The following CENPF variants were observed in gnomAD, a reference collection of about 807,000 sequenced individuals.
CENPF encodes the protein centromere protein F.
In CENPF, 214 loss-of-function variants were observed where a neutral mutation model predicts 307.3. The observed-to-expected ratio is 0.70, with a 90% CI of 0.62 to 0.78. The LOEUF (loss-of-function observed/expected upper bound fraction) is 0.78, where lower values mean the gene tolerates loss of function less well. CENPF is among the 30% of genes least tolerant of loss of function. The pLI is 0.00. For missense variants in CENPF, 3,401 were observed against 3,483.9 expected (o/e 0.98, Z 0.60); for synonymous variants, 1,259 against 1,270.6 (o/e 0.99, Z 0.19).
In CENPF at chr1:214,647,388, C is replaced by G. The variant is rs1658343264; in HGVS notation, c.7818C>G (p.Ser2606=). 1.2e-6 allele frequency: 2 copies of G among 1,604,546 alleles called. No individual in the cohort carries two copies. Among genetic ancestry groups the G allele is most frequent in the Non-Finnish European group, 1.7e-6 (2 of 1,174,996 alleles). The change falls in exon 13 of 20, where the codon TCC becomes TCG. Residue 2606 remains serine, a synonymous_variant. Transcript: ENST00000366955. ...ELELTKMDKM[S]FVEKVNKMTA... ...AATTGACAAAAATGGACAAAATGTCCTTTGTTGAAAAAGTAAGTGGCTATA... is the reference window on the plus strand; with the variant it reads ...AATTGACAAAAATGGACAAAATGTCGTTTGTTGAAAAAGTAAGTGGCTATA...
intron 17 of CENPF, 148 bp downstream of exon 17, chr1:214,655,551 G>A: frequency 1.4e-6 from 1 of 692,536 alleles, no homozygotes; most frequent in Non-Finnish European, 2.2e-6. Flanking sequence ...TCCAATTTCT[G>A]AATTTTGTGC....
At chr1:214,613,148 A>G (rs1389159934) in intron 1 of CENPF, 6 of 250,360 alleles carry the variant, frequency 2.4e-5, no homozygotes, top group South Asian at 1.2e-4. Flanking sequence ...AATTTTTGTT[A>G]CAAATCTTAC....
chr1:214,653,811 A>C (rs972779328), intron 16 of CENPF: 1 of 152,206 alleles, frequency 6.6e-6, no homozygotes, highest in Non-Finnish European at 1.5e-5. Context: ...TCAAAATCAC[A>C]ATAATTAATA....
In CENPF at chr1:214,629,122, G is replaced by A. The variant is rs114338555; in HGVS notation, c.1145G>A (p.Arg382Lys). 9.3e-4 allele frequency: 1,491 copies of A among 1,611,262 alleles called. 9 individuals are homozygous for A. In the African/African-American group the frequency reaches 0.017, roughly 19 times the overall value. ...CAGCGACAAAATGCAGAAAGTGCCAGATGTTCTCTGGAACAGAAAATTAAG... is the reference window on the plus strand; with the variant it reads ...CAGCGACAAAATGCAGAAAGTGCCAAATGTTCTCTGGAACAGAAAATTAAG... The part of the protein sequence containing the change: ...SCQRQNAESA[R>K]CSLEQKIKEK... Residue 382 changes from arginine to lysine, a missense_variant, in exon 8 of 20, where the codon AGA (arginine) becomes AAA (lysine). Arg to Lys is a conservative substitution (Grantham distance 26). Coordinates refer to ENST00000366955, the MANE Select transcript of CENPF (RefSeq NM_016343.4).
At chr1:214,633,561 A>G (rs894317553) in intron 10 of CENPF, among the ~76,000 whole-genome samples, 2 of 152,228 alleles carry the variant, frequency 1.3e-5, no homozygotes, top group East Asian at 3.8e-4. Context: ...TTGTCCATAA[A>G]GAACAGTTAT....
intron 11 of CENPF, among the ~76,000 whole-genome samples, chr1:214,638,977 C>T (rs886906404): frequency 1.3e-5 from 2 of 152,170 alleles, no homozygotes; most frequent in African/African-American, 4.8e-5. Context: ...TTGCTCACAG[C>T]AAAGTGGGAT....
chr1:214,608,629 G>C, intron 1 of CENPF: 2 of 1,605,310 alleles, frequency 1.2e-6, no homozygotes, highest in Non-Finnish European at 1.7e-6. Context: ...GGCGCGCTCC[G>C]TCAGGTGCAG....
rs758251179 is a variant in CENPF at position 214,642,152 on chromosome 1, T to C, written c.3814T>C (p.Tyr1272His). 4 of 1,614,088 alleles carry C rather than the reference T, an allele frequency of 2.5e-6. No homozygotes were observed. Among genetic ancestry groups the C allele is most frequent in the Non-Finnish European group, 3.4e-6 (4 of 1,179,998 alleles). ...CTGTGAAATAGATGCGGAAGAAAAGTATATTTCAGGGCCTCATGAGTTGTC... is the reference window on the plus strand; with the variant it reads ...CTGTGAAATAGATGCGGAAGAAAAGCATATTTCAGGGCCTCATGAGTTGTC... ...KDCEIDAEEK[Y>H]ISGPHELSTS... Residue 1272 changes from tyrosine to histidine, a missense_variant, in exon 12 of 20, where the codon TAT becomes CAT. Tyr to His is a moderately conservative substitution (Grantham distance 83). Transcript: ENST00000366955.
chr1:214,627,045 T>C (rs17023284), intron 7 of CENPF, among the ~76,000 whole-genome samples: 7,464 of 152,194 alleles, frequency 0.049, 249 homozygotes, highest in East Asian at 0.12. Context: ...ACAGCTCTGG[T>C]TTTCTATTAG....
chr1:214,640,975 TG>T lies in CENPF; in HGVS notation c.2638del (p.Glu880LysfsTer24). The T allele has an allele frequency of 1.3e-6, 2 of 1,598,538 alleles. No individual in the cohort carries two copies. The highest frequency in any genetic ancestry group is 1.7e-6 in the Non-Finnish European group (2 of 1,176,044). On this transcript the variant is annotated frameshift_variant, in exon 12 of 20. Coordinates refer to ENST00000366955, the MANE Select transcript of CENPF (RefSeq NM_016343.4). LOFTEE classifies it high-confidence loss of function. ...AEQMHQSFVAETSQRISKLQE... is the reference protein window; with the variant it reads ...AEQMHQSFVAXTSQRISKLQE... ...AACAGATGCATCAAAGTTTTGTGGC[TG>T]AAACAAGTCAGCGCATTAGTAAGTT...
rs1405699075 is a variant in CENPF at position 214,657,127 on chromosome 1, A to G, written c.8680A>G (p.Lys2894Glu). 3 of 1,614,228 alleles carry G rather than the reference A, an allele frequency of 1.9e-6. No homozygotes were observed. Among genetic ancestry groups the G allele is most frequent in the East Asian group, 4.5e-5 (2 of 44,884 alleles). Residue 2894 changes from lysine to glutamate, a missense_variant, in exon 18 of 20, where the codon AAA (lysine) becomes GAA (glutamate). By Grantham distance (56) the Lys-to-Glu change is moderately conservative (BLOSUM62 1). Coordinates refer to ENST00000366955, the MANE Select transcript of CENPF (RefSeq NM_016343.4). ...QVAHLCSQQS[K>E]QDSRGSPLLG... ...GGCCCATCTGTGTTCACAGCAATCT[A>G]AACAAGATTCCCGAGGGTCTCCTTT... is the stretch of plus-strand genomic sequence containing the variant.
In CENPF at chr1:214,643,005, G is replaced by C; in HGVS notation, c.4667G>C (p.Cys1556Ser). The change falls in exon 12 of 20, where the codon TGT becomes TCT. Residue 1556 changes from cysteine to serine, a missense_variant. Coordinates refer to ENST00000366955, the MANE Select transcript of CENPF (RefSeq NM_016343.4). The part of the protein sequence containing the change: ...AKGVEELESL[C>S]EVYRQSLEKL... ...GGTGTTGAAGAGCTTGAGTCCCTCTGTGAGGTGTACCGGCAGTCCCTCGAG... is the reference window on the plus strand; with the variant it reads ...GGTGTTGAAGAGCTTGAGTCCCTCTCTGAGGTGTACCGGCAGTCCCTCGAG... The C allele has an allele frequency of 6.2e-7, 1 of 1,609,788 alleles. No homozygotes were observed. The highest frequency in any genetic ancestry group is 1.1e-5 in the South Asian group (1 of 90,772).
At chr1:214,620,117 A>C (rs1558172600) in intron 5 of CENPF, among the ~76,000 whole-genome samples, 1 of 152,196 alleles carries the variant, frequency 6.6e-6, no homozygotes, top group South Asian at 2.1e-4. Flanking sequence ...GAATGGAGGC[A>C]GAGAGAAGCA....
intron 16 of CENPF, 27 bp downstream of exon 16, chr1:214,653,016 A>G: frequency 3.2e-6 from 5 of 1,575,070 alleles, no homozygotes; most frequent in Non-Finnish European, 4.3e-6. Flanking sequence ...TTGCTTCATG[A>G]TTTCGAATGG....
Position 214,655,730 on chromosome 1 carries a change from A to AT in CENPF, c.8485+328dup, listed in dbSNP as rs1658613788. 2.0e-5 allele frequency among the ~76,000 whole-genome samples: 3 copies of AT among 152,194 alleles called. No individual in the cohort carries two copies. The South Asian group carries it at 6.2e-4, about 32-fold the overall frequency. On this transcript the variant is annotated intron_variant, in intron 17 of 19. Transcript: ENST00000366955. ...CTCAGCCTCCCGAGTAGCTGGAACA[A>AT]TAGACAGGTGCCACCACACCCGACT...
In CENPF at chr1:214,605,457, A is replaced by T. The variant is rs570890723; in HGVS notation, c.-42+2136A>T. 2.4e-3 allele frequency: 1,033 copies of T among 424,442 alleles called. 5 individuals carry two copies. The highest frequency in any genetic ancestry group is 0.014 in the African/African-American group (652 of 48,072). The allele number at this position is 424,442 out of a possible 1,614,324, so 26.3% of individuals were successfully genotyped here. The stretch of plus-strand genomic sequence containing the variant: ...ATCCGCTTTGTTTTTTTTTTTTTTT[A>T]AATTTTAAATCTTTAATTTCTGTTT... On this transcript the variant is annotated intron_variant, in intron 1 of 19. Coordinates refer to ENST00000366955, the MANE Select transcript of CENPF (RefSeq NM_016343.4).
rs1156943977 is a variant in CENPF at position 214,629,100 on chromosome 1, C to T, written c.1123C>T (p.Arg375Ter). The part of the protein sequence containing the change: ...KKLTEDLSCQ[R>*]QNAESARCSL... ...ATTGACGGAAGATTTGAGTTGTCAG[C>T]GACAAAATGCAGAAAGTGCCAGATG... is the stretch of plus-strand genomic sequence containing the variant. Residue 375 changes from arginine (R) to a stop codon, truncating the protein, a stop_gained, in exon 8 of 20, where the codon CGA becomes TGA. Coordinates refer to ENST00000366955, the MANE Select transcript of CENPF (RefSeq NM_016343.4). LOFTEE classifies it high-confidence loss of function. 4 of 1,609,046 alleles carry T rather than the reference C, an allele frequency of 2.5e-6. No individual in the cohort carries two copies. The highest frequency in any genetic ancestry group is 1.1e-5 in the South Asian group (1 of 90,264).
intron 1 of CENPF, chr1:214,608,835 G>A (rs1571691407): frequency 2.5e-6 from 4 of 1,584,034 alleles, no homozygotes; most frequent in Admixed American, 1.7e-5. Context: ...GCGACAGCCC[G>A]TTCATGGCGG....
chr1:214,654,990 A>C (rs1335144939), intron 16 of CENPF, among the ~76,000 whole-genome samples: 1 of 152,220 alleles, frequency 6.6e-6, no homozygotes. Context: ...TGGGCACTTA[A>C]TAGACATCTC....
Sources: allele counts gnomAD v4.1 joint callset (sites outside exome capture counted in the v4.1 genomes callset), GRCh38; gene constraint gnomAD v4.1.1; transcripts MANE v1.5; gene names NCBI Gene and HGNC (gene_info 2026-07-23, HGNC 2026-07-21).